LNPEP: variants seen among roughly 807,000 people sequenced by gnomAD.
LNPEP encodes leucyl and cystinyl aminopeptidase, also known as leucyl-cystinyl aminopeptidase.
Under a neutral mutation model 120.6 loss-of-function variants are expected in LNPEP, and 64 were observed. The ratio of observed to expected loss-of-function variants is 0.53; its 90% CI spans 0.43 to 0.65. The LOEUF (loss-of-function observed/expected upper bound fraction) is 0.65, where lower values mean the gene tolerates loss of function less well. Among genes scored for constraint, LNPEP ranks in the 30% least tolerant of loss-of-function variants. The pLI is 0.00. For synonymous variants in LNPEP, 435 were observed against 425.4 expected, an observed-to-expected ratio of 1.02 and a Z score of -0.28; for missense variants, 1,057 against 1,200.0, an observed-to-expected ratio of 0.88 and a Z score of 1.76.
In LNPEP at chr5:96,993,034, C is replaced by G; in HGVS notation, c.1151C>G (p.Pro384Arg). Residue 384 changes from proline to arginine, a missense_variant, in exon 5 of 18, where the codon CCA becomes CGA. Pro to Arg is a moderately radical substitution (Grantham distance 103). Transcript: ENST00000231368. ...NGTLVSIYAV[P>R]EKIGQVHYAL... ...CTTTAGGTTTCTATATATGCTGTACCAGAAAAGATTGGTCAAGTTCATTAT... is the reference window on the plus strand; with the variant it reads ...CTTTAGGTTTCTATATATGCTGTACGAGAAAAGATTGGTCAAGTTCATTAT... 6.3e-7 allele frequency: 1 copy of G among 1,592,700 alleles called. No individual in the cohort carries two copies. Among genetic ancestry groups the G allele is most frequent in the Non-Finnish European group, 8.6e-7 (1 of 1,167,668 alleles).
intron 11 of LNPEP, among the ~76,000 whole-genome samples, chr5:97,009,648 CTG>C (rs1790877408): frequency 6.6e-6 from 1 of 151,032 alleles, no homozygotes; most frequent in African/African-American, 2.4e-5. Context: ...AAAGTAGTGT[CTG>C]TTACTTCCTC....
In LNPEP at chr5:97,022,356, G is replaced by A. The variant is rs58748938; in HGVS notation, c.2433G>A (p.Glu811=). ...NQIQQQTWTD[E]GTPSMRELRS... is the part of the protein sequence containing the mutation. ...TTCAACAACAAACTTGGACTGATGA[G>A]GGCACTCCATCTATGCGAGAGCTTC... Residue 811 remains glutamate (E), a synonymous_variant, in exon 14 of 18, where the codon GAG becomes GAA. Transcript: ENST00000231368. 0.015 allele frequency: 23,620 copies of A among 1,613,522 alleles called. 995 individuals carry two copies. The highest frequency in any genetic ancestry group is 0.14 in the African/African-American group (10,347 of 74,916).
intron 4 of LNPEP, among the ~76,000 whole-genome samples, chr5:96,988,646 T>G (rs1352889441): frequency 6.6e-6 from 1 of 152,094 alleles, no homozygotes; most frequent in Admixed American, 6.6e-5. Flanking sequence ...GGTCTCACTC[T>G]GCCACCCAGG....
At chr5:97,018,028 A>G (rs1478631316) in intron 13 of LNPEP, among the ~76,000 whole-genome samples, 1 of 152,152 alleles carries the variant, frequency 6.6e-6, no homozygotes, top group Admixed American at 6.5e-5. Context: ...AAGGCCCACC[A>G]TAATCCAGTA....
intron 1 of LNPEP, among the ~76,000 whole-genome samples, chr5:96,938,756 T>TA (rs1788982232): frequency 1.3e-5 from 2 of 152,230 alleles, no homozygotes; most frequent in South Asian, 4.1e-4. Flanking sequence ...GGATGGATCT[T>TA]AGTGCTAGGA....
At chr5:96,938,909 T>A (rs1296485703) in intron 1 of LNPEP, among the ~76,000 whole-genome samples, 1 of 151,950 alleles carries the variant, frequency 6.6e-6, no homozygotes, top group African/African-American at 2.4e-5. Context: ...TACTTAAGAT[T>A]GTTTTGGCAA....
intron 1 of LNPEP, among the ~76,000 whole-genome samples, chr5:96,953,456 A>G (rs1789371734): frequency 6.6e-6 from 1 of 152,168 alleles, no homozygotes; most frequent in South Asian, 2.1e-4. Context: ...TTCTTTTTCC[A>G]TTAATAATTG....
At chr5:97,010,598 T>A (rs1790903079) in intron 11 of LNPEP, 1 of 984,608 alleles carries the variant, frequency 1.0e-6, no homozygotes, top group African/African-American at 1.7e-5. Flanking sequence ...AGAACTTTAG[T>A]TTTTTTGTAA....
chr5:96,978,553 C>G (rs1790052661), intron 1 of LNPEP, among the ~76,000 whole-genome samples: 1 of 152,144 alleles, frequency 6.6e-6, no homozygotes, highest in African/African-American at 2.4e-5. Flanking sequence ...CATCCTGTTG[C>G]TTAGCCATAC....
chr5:97,022,078 C>T (rs952217159), intron 13 of LNPEP, among the ~76,000 whole-genome samples: 4 of 151,262 alleles, frequency 2.6e-5, no homozygotes, highest in Admixed American at 6.6e-5. Context: ...ATTACAGGCA[C>T]GACCATCATG....
intron 1 of LNPEP, chr5:96,937,329 A>C (rs2548225): frequency 6.6e-6 from 1 of 151,586 alleles, no homozygotes; most frequent in Admixed American, 6.6e-5. Context: ...TATTCTCCCT[A>C]TTCCTAATGT....
chr5:96,969,742 G>GT (rs75401813), intron 1 of LNPEP, among the ~76,000 whole-genome samples: 6,705 of 144,914 alleles, frequency 0.046, 220 homozygotes, highest in Middle Eastern at 0.12. Flanking sequence ...TTTTTGCCCT[G>GT]TTTTTTTTTT....
At position 97,022,378 on chromosome 5, in the gene LNPEP, C is replaced by T; in HGVS notation, c.2455C>T (p.Leu819Phe). The change falls in exon 14 of 18, where the codon CTT becomes TTT. Residue 819 changes from leucine to phenylalanine, a missense_variant. By Grantham distance (22) the Leu-to-Phe change is conservative. Transcript: ENST00000231368. ...TDEGTPSMRE[L>F]RSALLEFACT... ...TGAGGGCACTCCATCTATGCGAGAG[C>T]TTCGGTCAGCCCTGCTAGAGTTTGC... The T allele has an allele frequency of 6.2e-7, 1 of 1,613,906 alleles. No individual in the cohort carries two copies. The highest frequency in any genetic ancestry group is 1.1e-5 in the South Asian group (1 of 91,082).
rs1017153557 is a variant in LNPEP, at chr5:96,993,116, G to A, written c.1233G>A (p.Gln411=). The A allele has an allele frequency of 6.3e-7, 1 of 1,591,280 alleles. No individual in the cohort carries two copies. Among genetic ancestry groups the A allele is most frequent in the Non-Finnish European group, 8.6e-7 (1 of 1,165,976 alleles). Residue 411 remains glutamine (Q), a synonymous_variant, in exon 5 of 18, where the codon CAG becomes CAA. Coordinates refer to ENST00000231368, the MANE Select transcript of LNPEP (RefSeq NM_005575.3). ...TTTTTCAAAACTACTTTGAAATTCA[G>A]TACCCACTTAAGAAATTGGGTAAGA... ...LEFFQNYFEI[Q]YPLKKLDLVA...
intron 1 of LNPEP, among the ~76,000 whole-genome samples, chr5:96,942,050 CA>C (rs1789065939): frequency 6.6e-6 from 1 of 152,210 alleles, no homozygotes; most frequent in South Asian, 2.1e-4. Context: ...ATTGGGGGCT[CA>C]GGGGACAAAT....
intron 11 of LNPEP, chr5:97,010,530 G>C: frequency 6.1e-6 from 6 of 985,174 alleles, no homozygotes; most frequent in Non-Finnish European, 6.0e-6. Flanking sequence ...CTAGCCCTCT[G>C]GAGCAAACTG....
In LNPEP at chr5:96,993,117, T is replaced by C; in HGVS notation, c.1234T>C (p.Tyr412His). The change falls in exon 5 of 18, where the codon TAC (tyrosine) becomes CAC (histidine). Residue 412 changes from tyrosine (Y) to histidine (H), a missense_variant. Physicochemically the swap from Tyr to His is moderately conservative, Grantham distance 83. Transcript: ENST00000231368. The part of the protein sequence containing the change: ...EFFQNYFEIQ[Y>H]PLKKLDLVAI... ...TTTTCAAAACTACTTTGAAATTCAG[T>C]ACCCACTTAAGAAATTGGGTAAGAA... The C allele has an allele frequency of 6.3e-7, 1 of 1,590,874 alleles. No homozygotes were observed.
At chr5:96,998,191 G>T (rs766190339) in intron 8 of LNPEP, 46 bp downstream of exon 8, 2 of 1,368,842 alleles carry the variant, frequency 1.5e-6, no homozygotes, top group Non-Finnish European at 2.0e-6. Context: ...TTAAAATTTC[G>T]TATAATTTCG....
At chr5:96,979,098 T>C in intron 1 of LNPEP, 40 bp from the exon 2 acceptor site, 4 of 1,530,058 alleles carry the variant, frequency 2.6e-6, no homozygotes, top group Non-Finnish European at 3.5e-6. Flanking sequence ...GCTTTTTTTT[T>C]TCTAACTCTG....
Sources: allele counts gnomAD v4.1 joint callset (sites outside exome capture counted in the v4.1 genomes callset), GRCh38; gene constraint gnomAD v4.1.1; transcripts MANE v1.5; gene names NCBI Gene and HGNC (gene_info 2026-07-23, HGNC 2026-07-21).